The following CNTN5 variants were observed in gnomAD, a reference collection of about 807,000 sequenced individuals.
CNTN5 encodes the protein contactin-5.
CNTN5 carries 77 observed loss-of-function variants against 129.1 expected under a neutral mutation model. The ratio of observed to expected loss-of-function variants is 0.60; its 90% CI spans 0.50 to 0.72. The LOEUF (loss-of-function observed/expected upper bound fraction) is 0.72. Among genes scored for constraint, CNTN5 ranks in the 30% least tolerant of loss-of-function variants. The pLI is 0.00. For synonymous variants in CNTN5, 509 were observed against 465.6 expected (o/e 1.09, Z -1.20); for missense variants, 1,478 against 1,328.8 (o/e 1.11, Z -1.75).
intron 5 of CNTN5, 54 bp from the exon 6 acceptor site, chr11:99,845,033 T>C (rs542949687): frequency 1.2e-6 from 2 of 1,609,546 alleles, no homozygotes; most frequent in East Asian, 4.5e-5. Context: ...ATCAATGATA[T>C]TCTGACACTC....
chr11:99,237,691 A>G (rs1329164253), intron 1 of CNTN5, among the ~76,000 whole-genome samples: 1 of 152,194 alleles, frequency 6.6e-6, no homozygotes, highest in Admixed American at 6.5e-5. Flanking sequence ...AAAAGAAAAA[A>G]AAAAGGCATT....
At chr11:99,520,007 G>A (rs1341452631) in intron 2 of CNTN5, among the ~76,000 whole-genome samples, 6 of 151,936 alleles carry the variant, frequency 3.9e-5, no homozygotes, top group Non-Finnish European at 8.8e-5. Context: ...CCATTTTTGT[G>A]GCAACCTTTT....
At chr11:100,138,354 G>C (rs572458438) in intron 13 of CNTN5, among the ~76,000 whole-genome samples, 5 of 151,892 alleles carry the variant, frequency 3.3e-5, no homozygotes, top group Non-Finnish European at 7.4e-5. Flanking sequence ...TCTAGGTACC[G>C]GGAACTCAGC....
At chr11:99,122,555 A>G (rs1033594766) in intron 1 of CNTN5, among the ~76,000 whole-genome samples, 1 of 152,012 alleles carries the variant, frequency 6.6e-6, no homozygotes, top group African/African-American at 2.4e-5. Context: ...TATTTTTTTA[A>G]CTTTTAGGTT....
At chr11:100,187,033 AT>A (rs1251809118) in intron 13 of CNTN5, among the ~76,000 whole-genome samples, 1 of 151,852 alleles carries the variant, frequency 6.6e-6, no homozygotes, top group African/African-American at 2.4e-5. Context: ...ACATTGTGGA[AT>A]TTTTTTTCCA....
chr11:100,157,321 A>G (rs752164914), intron 13 of CNTN5, among the ~76,000 whole-genome samples: 14 of 151,950 alleles, frequency 9.2e-5, no homozygotes, highest in Non-Finnish European at 2.1e-4. Context: ...ATATCATGAT[A>G]AGAGCAAATA....
intron 1 of CNTN5, among the ~76,000 whole-genome samples, chr11:99,211,105 G>T (rs1411794035): frequency 1.3e-5 from 2 of 151,980 alleles, no homozygotes; most frequent in East Asian, 3.9e-4. Context: ...AATTGGGCAG[G>T]TTCTTTTTCT....
intron 1 of CNTN5, among the ~76,000 whole-genome samples, chr11:99,037,700 G>A (rs756418561): frequency 1.1e-4 from 16 of 149,158 alleles, no homozygotes; most frequent in East Asian, 4.0e-4. Context: ...CTGCCTCAGC[G>A]TCCCAAGTAG....
At chr11:99,139,226 C>A (rs906876079) in intron 1 of CNTN5, among the ~76,000 whole-genome samples, 1 of 151,866 alleles carries the variant, frequency 6.6e-6, no homozygotes, top group African/African-American at 2.4e-5. Flanking sequence ...TAGAGTGTAC[C>A]ACTGCACTTC....
chr11:99,554,876 T>C (rs1948615346), intron 2 of CNTN5, among the ~76,000 whole-genome samples: 1 of 152,068 alleles, frequency 6.6e-6, no homozygotes, highest in African/African-American at 2.4e-5. Context: ...ATGAGGTTGT[T>C]ATTTAGTACT....
At chr11:99,999,452 A>G (rs910598155) in intron 8 of CNTN5, among the ~76,000 whole-genome samples, 23 of 152,334 alleles carry the variant, frequency 1.5e-4, no homozygotes, top group African/African-American at 5.3e-4. Flanking sequence ...CAAAACCACA[A>G]TGAGATACCA....
intron 6 of CNTN5, among the ~76,000 whole-genome samples, chr11:99,857,593 A>T (rs1298169613): frequency 1.3e-5 from 2 of 152,156 alleles, no homozygotes; most frequent in Admixed American, 6.5e-5. Flanking sequence ...TGTTAATATC[A>T]ATACAAATGT....
rs1469092033 is a variant in CNTN5 at position 99,030,849 on chromosome 11, C to T, written c.-210+9579C>T. On this transcript the variant is annotated intron_variant, in intron 1 of 24. Transcript: ENST00000524871. ...AGGCTGGAGTGCAGTGGCGCGATCT[C>T]GGTTCACTGCAACCTCCGCCTCCCG... Among the ~76,000 whole-genome samples the T allele has an allele frequency of 6.1e-5, 9 of 146,992 alleles. No homozygotes were observed. The East Asian group carries it at 1.6e-3, about 27-fold the overall frequency.
At chr11:99,578,503 T>A (rs978680580) in intron 3 of CNTN5, among the ~76,000 whole-genome samples, 2 of 150,816 alleles carry the variant, frequency 1.3e-5, no homozygotes, top group African/African-American at 4.9e-5. Context: ...GTTTCCTGAC[T>A]TTTTAATGAT....
rs114172361 is a variant in CNTN5 at position 99,204,483 on chromosome 11, T to C, written c.-209-120863T>C. On this transcript the variant is annotated intron_variant, in intron 1 of 24. Transcript: ENST00000524871. ...CTAATATTGACATACCTCCTCCCTATTGCAGAATTATTAAACTAGCTCTCA... is the reference window on the plus strand; with the variant it reads ...CTAATATTGACATACCTCCTCCCTACTGCAGAATTATTAAACTAGCTCTCA... 2.7e-3 allele frequency among the ~76,000 whole-genome samples: 411 copies of C among 152,332 alleles called. 2 individuals are homozygous for C. Among genetic ancestry groups the C allele is most frequent in the African/African-American group, 9.4e-3 (392 of 41,578 alleles).
intron 1 of CNTN5, among the ~76,000 whole-genome samples, chr11:99,105,671 T>C (rs1305481479): frequency 6.6e-6 from 1 of 152,168 alleles, no homozygotes; most frequent in Non-Finnish European, 1.5e-5. Context: ...CTGCAATATA[T>C]GGGCAGTCAA....
chr11:99,557,265 A>G (rs1476123498), intron 3 of CNTN5, among the ~76,000 whole-genome samples: 3 of 151,314 alleles, frequency 2.0e-5, no homozygotes, highest in Admixed American at 6.6e-5. Context: ...TTCCATTTAT[A>G]CATATATATG....
At chr11:99,664,064 A>G (rs941414477) in intron 3 of CNTN5, among the ~76,000 whole-genome samples, 1 of 152,182 alleles carries the variant, frequency 6.6e-6, no homozygotes, top group African/African-American at 2.4e-5. Context: ...CGGCGCGGGT[A>G]GAGACCATGG....
At chr11:99,466,246 G>A (rs902074897) in intron 2 of CNTN5, among the ~76,000 whole-genome samples, 8 of 152,048 alleles carry the variant, frequency 5.3e-5, no homozygotes, top group South Asian at 4.1e-4. Context: ...CAGCAAGGGG[G>A]AAATCTTTCC....
Sources: allele counts gnomAD v4.1 joint callset (sites outside exome capture counted in the v4.1 genomes callset), GRCh38; gene constraint gnomAD v4.1.1; transcripts MANE v1.5; gene names NCBI Gene and HGNC (gene_info 2026-07-23, HGNC 2026-07-21).